Variants in MX2 observed in about 807,000 individuals in gnomAD.
MX2 encodes the protein interferon-induced GTP-binding protein Mx2.
MX2 carries 51 observed loss-of-function variants against 74.0 expected under a neutral mutation model. The observed-to-expected ratio is 0.69, with a 90% CI of 0.55 to 0.87. MX2 has a LOEUF of 0.87. Ranked by LOEUF, MX2 falls within the 40% of genes least tolerant of loss-of-function variation. The probability of loss-of-function intolerance (pLI) is 0.00; values close to 1 mark genes in which losing one functional copy is unlikely to be tolerated. For missense variants in MX2, 832 were observed against 908.7 expected (o/e 0.92, Z 1.09); for synonymous variants, 369 against 339.3 (o/e 1.09, Z -0.96).
In MX2 at chr21:41,402,587, C is replaced by A; in HGVS notation, c.1573+459C>A. 1 of 165,912 alleles carries A rather than the reference C, an allele frequency of 6.0e-6. No individual in the cohort carries two copies. The highest frequency in any genetic ancestry group is 1.3e-5 in the Non-Finnish European group (1 of 76,444). 10.3% of individuals were successfully genotyped at this position (165,912 alleles called of 1,614,324 possible). Reference sequence around the variant, plus strand: ...TCATGGAAGACAATTTTTCCACAGACCAGTGAGGGGTAAGAAGGATGGCTC... The same window carrying A: ...TCATGGAAGACAATTTTTCCACAGAACAGTGAGGGGTAAGAAGGATGGCTC... On this transcript the variant is annotated intron_variant, in intron 11 of 13. Coordinates refer to ENST00000330714, the MANE Select transcript of MX2 (RefSeq NM_002463.2). The surrounding 1 kb of genome is among the most constrained non-coding windows in gnomAD (Gnocchi z 4.5).
chr21:41,373,972 C>G (rs1293272893), intron 1 of MX2: 1 of 152,458 alleles, frequency 6.6e-6, no homozygotes, highest in African/African-American at 2.4e-5. Context: ...AGTCCCTGCT[C>G]TCAGCCTGAG....
At chr21:41,392,406 A>G (rs1041991876) in intron 6 of MX2, among the ~76,000 whole-genome samples, 2 of 152,248 alleles carry the variant, frequency 1.3e-5, no homozygotes, top group African/African-American at 4.8e-5. Flanking sequence ...GTGAAATTCC[A>G]GTAAGAAAAG....
At chr21:41,382,646 T>C in intron 5 of MX2, 82 bp downstream of exon 5, 2 of 1,551,722 alleles carry the variant, frequency 1.3e-6, no homozygotes, top group East Asian at 2.2e-5. Context: ...GTGTACCTCC[T>C]GGAGCCTTTA....
Position 41,377,812 on chromosome 21 carries a change from C to A in MX2, c.273C>A (p.Ser91Arg). Reference protein sequence around the residue: ...RAMGPENNLYSQYEQKVRPCI... With the variant: ...RAMGPENNLYRQYEQKVRPCI... ...AGGGGCCCGAGAACAACCTGTACAG[C>A]CAGTACGAGCAGAAGGTGCGCCCCT... Residue 91 changes from serine (S) to arginine (R), a missense_variant, in exon 3 of 14, where the codon AGC (serine) becomes AGA (arginine). By Grantham distance (110) the Ser-to-Arg change is moderately radical. Coordinates refer to ENST00000330714, the MANE Select transcript of MX2 (RefSeq NM_002463.2). The A allele has an allele frequency of 1.2e-6, 2 of 1,613,498 alleles. No individual in the cohort carries two copies. Among genetic ancestry groups the A allele is most frequent in the South Asian group, 1.1e-5 (1 of 91,058 alleles).
At chr21:41,396,540 T>G (rs548894703) in intron 7 of MX2, among the ~76,000 whole-genome samples, 2 of 152,152 alleles carry the variant, frequency 1.3e-5, no homozygotes, top group Non-Finnish European at 2.9e-5. Context: ...TCTTACAATA[T>G]GGGCCACCTT....
intron 5 of MX2, among the ~76,000 whole-genome samples, chr21:41,385,388 TGG>T (rs1163123063): frequency 6.6e-6 from 1 of 152,240 alleles, no homozygotes; most frequent in Non-Finnish European, 1.5e-5. Context: ...TTGAATCATG[TGG>T]GCAGGTCTTT....
At chr21:41,397,508 C>A (rs1337326324) in intron 7 of MX2, 105 bp from the exon 8 acceptor site, 1 of 945,084 alleles carries the variant, frequency 1.1e-6, no homozygotes, top group East Asian at 2.7e-5. Context: ...TCTGATGGCA[C>A]GTGTTGCCCC....
rs773002258 is a variant in MX2 at position 41,376,932 on chromosome 21, C to G, written c.26C>G (p.Pro9Arg). MSKAHKPW[P>R]YRRRSQFSSR... The stretch of plus-strand genomic sequence containing the variant: ...ATGTCTAAGGCCCACAAGCCTTGGC[C>G]CTACCGGAGGAGAAGTCAATTTTCT... Residue 9 changes from proline to arginine, a missense_variant, in exon 2 of 14, where the codon CCC becomes CGC. Transcript: ENST00000330714. 5 of 1,613,818 alleles carry G rather than the reference C, an allele frequency of 3.1e-6. No individual in the cohort carries two copies. The highest frequency in any genetic ancestry group is 1.7e-5 in the Admixed American group (1 of 59,996).
chr21:41,407,279 T>C (rs1459637338), intron 13 of MX2, among the ~76,000 whole-genome samples: 1 of 152,242 alleles, frequency 6.6e-6, no homozygotes, highest in Non-Finnish European at 1.5e-5. Flanking sequence ...ATATTTCTTA[T>C]GCGGTCCATG....
rs1184637560 is a variant in MX2, at chr21:41,388,395, T to A, written c.733-2170T>A. Among the ~76,000 whole-genome samples, 1 of 152,202 alleles carries A rather than the reference T, an allele frequency of 6.6e-6. No individual in the cohort carries two copies. The highest frequency in any genetic ancestry group is 1.9e-4 in the East Asian group (1 of 5,186). On this transcript the variant is annotated intron_variant, in intron 5 of 13. Coordinates refer to ENST00000330714, the MANE Select transcript of MX2 (RefSeq NM_002463.2). The surrounding 1 kb of genome is among the most constrained non-coding windows in gnomAD (Gnocchi z 4.0). ...TTGCGTGTGCATGCACGCTTCCCACTGCCCGGTGCTCTGCCCGCATGGCTC... is the reference window on the plus strand; with the variant it reads ...TTGCGTGTGCATGCACGCTTCCCACAGCCCGGTGCTCTGCCCGCATGGCTC...
At chr21:41,398,103 A>G (rs1173298130) in intron 8 of MX2, among the ~76,000 whole-genome samples, 1 of 152,134 alleles carries the variant, frequency 6.6e-6, no homozygotes, top group African/African-American at 2.4e-5. Context: ...TGAGGTCAAG[A>G]ATTCGAGACC....
chr21:41,373,433 G>A (rs889429499), intron 1 of MX2, among the ~76,000 whole-genome samples: 5 of 152,094 alleles, frequency 3.3e-5, no homozygotes, highest in African/African-American at 7.2e-5. Flanking sequence ...GGGTGGGAGC[G>A]GTCATTAGGA....
At chr21:41,401,701 T>A in intron 10 of MX2, 1 of 249,594 alleles carries the variant, frequency 4.0e-6, no homozygotes, top group Non-Finnish European at 7.5e-6. Context: ...TTTTTTTTCC[T>A]ACCAGTTAGA....
chr21:41,390,531 TG>T lies in MX2; in HGVS notation c.733-33del, dbSNP rs750258313. 31 of 1,613,338 alleles carry T rather than the reference TG, an allele frequency of 1.9e-5. No homozygotes were observed. The East Asian group carries it at 6.9e-4, about 36-fold the overall frequency. On this transcript the variant is annotated intron_variant, in intron 5 of 13. Coordinates refer to ENST00000330714, the MANE Select transcript of MX2 (RefSeq NM_002463.2). ...CTGCTGAGTGACCAGAAGTGAGACG[TG>T]TGCTCTTTCTTTGTGCGATTCTTTG...
intron 7 of MX2, 53 bp downstream of exon 7, chr21:41,395,838 CT>C (rs1162777150): frequency 6.3e-7 from 1 of 1,583,948 alleles, no homozygotes; most frequent in Non-Finnish European, 8.6e-7. Context: ...GCCAGCCCAT[CT>C]GCAAGAGTTG....
chr21:41,385,292 T>G lies in MX2; in HGVS notation c.732+2728T>G, dbSNP rs926770566. Reference sequence around the variant, plus strand: ...TTAGTTGAAGGAAGGCCACTGATGGTTTGGCTGTGTCCCCACCCAAATCTC... The same window carrying G: ...TTAGTTGAAGGAAGGCCACTGATGGGTTGGCTGTGTCCCCACCCAAATCTC... On this transcript the variant is annotated intron_variant, in intron 5 of 13. Coordinates refer to ENST00000330714, the MANE Select transcript of MX2 (RefSeq NM_002463.2). Among the ~76,000 whole-genome samples the G allele has an allele frequency of 2.0e-5, 3 of 152,212 alleles. No individual in the cohort carries two copies. The East Asian group carries it at 5.8e-4, about 29-fold the overall frequency.
At chr21:41,391,823 T>A (rs932864889) in intron 6 of MX2, among the ~76,000 whole-genome samples, 15 of 152,116 alleles carry the variant, frequency 9.9e-5, no homozygotes, top group Non-Finnish European at 2.1e-4. Context: ...TATTTTATTT[T>A]ATTGTTAACT....
chr21:41,387,838 C>G (rs1009803342), intron 5 of MX2, among the ~76,000 whole-genome samples: 1 of 152,186 alleles, frequency 6.6e-6, no homozygotes, highest in Non-Finnish European at 1.5e-5. Context: ...ATCTTCCCCC[C>G]AGTATCTGCT....
chr21:41,394,311 A>G (rs56731303), intron 6 of MX2, among the ~76,000 whole-genome samples: 3 of 152,066 alleles, frequency 2.0e-5, no homozygotes, highest in East Asian at 3.9e-4. Context: ...TGACCCTCCA[A>G]TACGGCTCTG....
Sources: gnomAD v4.1 joint callset for allele counts (sites outside exome capture counted in the v4.1 genomes callset) on GRCh38, gnomAD v4.1.1 for gene constraint, Gnocchi (gnomAD v3.1) non-coding constraint, MANE v1.5 for transcripts, NCBI Gene and HGNC (gene_info 2026-07-23, HGNC 2026-07-21) for gene names.